The following NUMA1 variants were observed in gnomAD, a reference collection of about 807,000 sequenced individuals.
NUMA1 encodes the protein SP-H antigen.
Under a neutral mutation model 237.1 loss-of-function variants are expected in NUMA1, and 62 were observed. That is an observed-to-expected ratio of 0.26 (90% CI 0.21 to 0.32). NUMA1 has a LOEUF of 0.32. Among genes scored for constraint, NUMA1 ranks in the 10% least tolerant of loss-of-function variants. The pLI is 1.00. For synonymous variants in NUMA1, 1,028 were observed against 1,066.1 expected, an observed-to-expected ratio of 0.96 and a Z score of 0.70; for missense variants, 2,533 against 2,666.5, an observed-to-expected ratio of 0.95 and a Z score of 1.10.
intron 1 of NUMA1, among the ~76,000 whole-genome samples, chr11:72,071,824 G>A (rs1943464014): frequency 6.6e-6 from 1 of 152,120 alleles, no homozygotes; most frequent in Non-Finnish European, 1.5e-5. Context: ...AAGTATATAA[G>A]TATTTGTTAC....
At position 72,009,355 on chromosome 11, in the gene NUMA1, C is replaced by T; in HGVS notation, c.4752G>A (p.Gln1584=). Residue 1584 remains glutamine, a synonymous_variant, in exon 18 of 27, where the codon CAG becomes CAA. Coordinates refer to ENST00000393695, the MANE Select transcript of NUMA1 (RefSeq NM_006185.4). ...GCTGGGCCTGGAGGCGCTGGGCCTC[C>T]TGCTGGCTCTCGCCTCCCTGAGCCT... ...AVQAQGGESQ[Q]EAQRLQAQLN... 6.2e-7 allele frequency: 1 copy of T among 1,612,022 alleles called. No individual in the cohort carries two copies. The highest frequency in any genetic ancestry group is 1.1e-5 in the South Asian group (1 of 91,038).
At chr11:72,077,762 C>T (rs1265167833) in intron 1 of NUMA1, among the ~76,000 whole-genome samples, 1 of 144,344 alleles carries the variant, frequency 6.9e-6, no homozygotes, top group South Asian at 2.2e-4. Flanking sequence ...TGCAGTGAGC[C>T]GAGACTGTGC....
chr11:72,012,937 C>T lies in NUMA1; in HGVS notation c.4566G>A (p.Glu1522=). The T allele has an allele frequency of 6.2e-7, 1 of 1,614,166 alleles. No individual in the cohort carries two copies. Among genetic ancestry groups the T allele is most frequent in the Non-Finnish European group, 8.5e-7 (1 of 1,180,026 alleles). ...GCCTCTCTTCCTGGAACCGCTGCCT[C>T]TCCTCCAGGACCTTGACCTTGGCAC... ...YEGAKVKVLE[E]RQRFQEERQK... is the part of the protein sequence containing the mutation. The change falls in exon 15 of 27, where the codon GAG becomes GAA. Residue 1522 remains glutamate, a synonymous_variant. Coordinates refer to ENST00000393695, the MANE Select transcript of NUMA1 (RefSeq NM_006185.4).
chr11:72,076,407 T>C (rs935545683), intron 1 of NUMA1, among the ~76,000 whole-genome samples: 18 of 152,172 alleles, frequency 1.2e-4, no homozygotes, highest in African/African-American at 4.3e-4. Context: ...AATAAAATTC[T>C]AGGAAGCAGA....
chr11:72,063,112 G>A (rs1386690868), intron 2 of NUMA1, among the ~76,000 whole-genome samples: 1 of 152,018 alleles, frequency 6.6e-6, no homozygotes, highest in Admixed American at 6.6e-5. Flanking sequence ...CAGGTGTGGT[G>A]GTGGCACATG....
At chr11:72,011,399 G>A (rs1019259779) in intron 16 of NUMA1, among the ~76,000 whole-genome samples, 1 of 152,192 alleles carries the variant, frequency 6.6e-6, no homozygotes, top group Non-Finnish European at 1.5e-5. Context: ...TGGAAGACAA[G>A]AGCAGGGGCA....
At chr11:72,012,009 A>C (rs1413480476) in intron 16 of NUMA1, among the ~76,000 whole-genome samples, 1 of 152,208 alleles carries the variant, frequency 6.6e-6, no homozygotes, top group Non-Finnish European at 1.5e-5. Flanking sequence ...CACCATGTTA[A>C]ACAAGGCCGA....
chr11:72,014,889 T>G lies in NUMA1; in HGVS notation c.2614A>C (p.Asn872His), dbSNP rs1157075048. 6.2e-7 allele frequency: 1 copy of G among 1,614,144 alleles called. No individual in the cohort carries two copies. The highest frequency in any genetic ancestry group is 2.2e-5 in the East Asian group (1 of 44,902). ...TTGGCATGGAGCTCAGCTAGTTCGT[T>G]CTGCTGCCGGCTTATCTGGAGCTCG... ...HSELQISRQQ[N>H]ELAELHANLA... Residue 872 changes from asparagine (N) to histidine (H), a missense_variant, in exon 15 of 27, where the codon AAC becomes CAC. This residue lies in a region of NUMA1 where 1,414 missense variants were observed against 1,508.1 expected (regional missense o/e 0.94). Coordinates refer to ENST00000393695, the MANE Select transcript of NUMA1 (RefSeq NM_006185.4). This position sits in a 1 kb window ranked among gnomAD's most constrained non-coding sequence, Gnocchi z 4.6.
chr11:72,046,589 G>A (rs1942012152), intron 2 of NUMA1, among the ~76,000 whole-genome samples: 2 of 151,604 alleles, frequency 1.3e-5, no homozygotes, highest in African/African-American at 4.8e-5. Flanking sequence ...GGAGAGCGGG[G>A]AGAGGGAGAG....
chr11:72,048,328 T>C (rs549066998), intron 2 of NUMA1, among the ~76,000 whole-genome samples: 111 of 152,216 alleles, frequency 7.3e-4, no homozygotes, highest in African/African-American at 2.6e-3. Context: ...AGCTAGCACA[T>C]TCTCAGCAAA....
At chr11:72,047,758 A>G (rs539488611) in intron 2 of NUMA1, 1 of 152,364 alleles carries the variant, frequency 6.6e-6, no homozygotes, top group South Asian at 2.1e-4. Flanking sequence ...CAACAGTAAC[A>G]GCAACGATAA....
chr11:72,003,624 A>G, intron 26 of NUMA1, 86 bp from the exon 27 acceptor site: 1 of 1,552,054 alleles, frequency 6.4e-7, no homozygotes, highest in Admixed American at 1.7e-5. Context: ...TCCTGCTCCC[A>G]CGCCCCTGTC....
chr11:72,070,831 C>T (rs1035206031), intron 1 of NUMA1, among the ~76,000 whole-genome samples: 1 of 152,146 alleles, frequency 6.6e-6, no homozygotes, highest in African/African-American at 2.4e-5. Flanking sequence ...GCTGCACCCC[C>T]CTAAAGGCAT....
chr11:72,013,900 G>C lies in NUMA1; in HGVS notation c.3603C>G (p.Asp1201Glu), dbSNP rs1443990859. 2 of 1,614,016 alleles carry C rather than the reference G, an allele frequency of 1.2e-6. No individual in the cohort carries two copies. Among genetic ancestry groups the C allele is most frequent in the Admixed American group, 3.3e-5 (2 of 60,032 alleles). ...TCCACTCATCTTCAGCCTTGCTGTG[G>C]TCTTGTACCTTGGTGCGGAAGGCAG... is the stretch of plus-strand genomic sequence containing the variant. The part of the protein sequence containing the change: ...ELAAFRTKVQ[D>E]HSKAEDEWKA... Residue 1201 changes from aspartate (D) to glutamate (E), a missense_variant, in exon 15 of 27, where the codon GAC (aspartate) becomes GAG (glutamate). By Grantham distance (45) the Asp-to-Glu change is conservative. Coordinates refer to ENST00000393695, the MANE Select transcript of NUMA1 (RefSeq NM_006185.4). The surrounding 1 kb of genome is among the most constrained non-coding windows in gnomAD (Gnocchi z 6.8).
intron 24 of NUMA1, 101 bp downstream of exon 24, chr11:72,004,539 G>T: frequency 7.7e-7 from 1 of 1,302,012 alleles, no homozygotes; most frequent in Non-Finnish European, 1.1e-6. Flanking sequence ...AAAGAGAGGG[G>T]GAAGTGAGGG....
In NUMA1 at chr11:72,013,983, TCTC is replaced by T. The variant is rs755134556; in HGVS notation, c.3517_3519del (p.Glu1173del). The T allele has an allele frequency of 9.3e-6, 15 of 1,612,514 alleles. No individual in the cohort carries two copies. Among genetic ancestry groups the T allele is most frequent in the African/African-American group, 2.7e-5 (2 of 74,772 alleles). On this transcript the variant is annotated inframe_deletion, in exon 15 of 27. Coordinates refer to ENST00000393695, the MANE Select transcript of NUMA1 (RefSeq NM_006185.4). The surrounding 1 kb of genome is among the most constrained non-coding windows in gnomAD (Gnocchi z 6.8). ...TGACTGTGCCCTAGCTCCTGGGCCTTCTCCTCTAACTGGCCCTGCAGAGTCTCC... is the reference window on the plus strand; with the variant it reads ...TGACTGTGCCCTAGCTCCTGGGCCTTCTCTAACTGGCCCTGCAGAGTCTCC...
At chr11:72,010,411 T>C (rs1348829330) in intron 17 of NUMA1, among the ~76,000 whole-genome samples, 1 of 152,268 alleles carries the variant, frequency 6.6e-6, no homozygotes, top group African/African-American at 2.4e-5. Context: ...AAAAGAACTT[T>C]ATGCAATGGT....
In NUMA1 at chr11:72,018,856, G is replaced by C. The variant is rs1938310988; in HGVS notation, c.709C>G (p.Leu237Val). 1 of 1,612,960 alleles carries C rather than the reference G, an allele frequency of 6.2e-7. No individual in the cohort carries two copies. Among genetic ancestry groups the C allele is most frequent in the Non-Finnish European group, 8.5e-7 (1 of 1,180,000 alleles). Residue 237 changes from leucine (L) to valine (V), a missense_variant, in exon 10 of 27, where the codon CTA becomes GTA. Transcript: ENST00000393695. ...GTGAGGAGCTTGCGGTTCTCAGCTA[G>C]CTCCAGCTCCAGCTCATCCCTATTA... ...RSNRDELELELAENRKLLTEK... is the reference protein window; with the variant it reads ...RSNRDELELEVAENRKLLTEK...
At chr11:72,024,598 C>T (rs1340619022) in intron 4 of NUMA1, 5 of 511,104 alleles carry the variant, frequency 9.8e-6, no homozygotes, top group South Asian at 8.5e-5. Context: ...CACTCTGCCA[C>T]CCTATTTGCA....
Sources: allele counts gnomAD v4.1 joint callset (sites outside exome capture counted in the v4.1 genomes callset), GRCh38; gene constraint gnomAD v4.1.1; regional missense constraint gnomAD v4.1.1; non-coding constraint Gnocchi (gnomAD v3.1); transcripts MANE v1.5; gene names NCBI Gene and HGNC (gene_info 2026-07-23, HGNC 2026-07-21).